Variants in DLC1 observed in about 807,000 individuals in gnomAD.
The protein encoded by DLC1 is DLC1 Rho GTPase activating protein.
Under a neutral mutation model 140.3 loss-of-function variants are expected in DLC1, and 54 were observed. The observed-to-expected ratio is 0.38, with a 90% confidence interval of 0.31 to 0.48. DLC1 has a LOEUF of 0.48. Ranked by LOEUF, DLC1 falls within the 20% of genes least tolerant of loss-of-function variation. DLC1 has a pLI of 0.96. For missense variants in DLC1, 2,536 were observed against 1,907.0 expected, an observed-to-expected ratio of 1.33 and a Z score of -6.14; for synonymous variants, 986 against 728.1, an observed-to-expected ratio of 1.35 and a Z score of -5.70.
chr8:13,292,300 A>C (rs1431353843), intron 5 of DLC1, among the ~76,000 whole-genome samples: 4 of 152,142 alleles, frequency 2.6e-5, no homozygotes, highest in African/African-American at 7.2e-5. Flanking sequence ...ATGAGCGGTC[A>C]CTGCTCTGTT....
chr8:13,225,071 T>C (rs114098158), intron 5 of DLC1, among the ~76,000 whole-genome samples: 2,817 of 152,302 alleles, frequency 0.018, 98 homozygotes, highest in African/African-American at 0.063. Flanking sequence ...GCCACTTAAT[T>C]TCAACTCATT....
intron 7 of DLC1, among the ~76,000 whole-genome samples, chr8:13,105,655 G>A (rs1819502900): frequency 6.7e-6 from 1 of 148,260 alleles, no homozygotes; most frequent in African/African-American, 2.5e-5. Flanking sequence ...GTGGCTCACT[G>A]CAACCTCCGC....
At chr8:13,399,565 G>A (rs1837208386) in intron 3 of DLC1, among the ~76,000 whole-genome samples, 1 of 152,082 alleles carries the variant, frequency 6.6e-6, no homozygotes, top group Non-Finnish European at 1.5e-5. Flanking sequence ...CATCCTATGA[G>A]ATTGGCTATC....
chr8:13,299,478 C>CTTTTT (rs36119138), intron 5 of DLC1, among the ~76,000 whole-genome samples: 7 of 114,584 alleles, frequency 6.1e-5, no homozygotes, highest in African/African-American at 2.2e-4. Flanking sequence ...AGCTCCTCAT[C>CTTTTT]TTTTTTTTTT....
At chr8:13,178,917 A>G (rs1269116473) in intron 5 of DLC1, among the ~76,000 whole-genome samples, 1 of 152,216 alleles carries the variant, frequency 6.6e-6, no homozygotes. Flanking sequence ...TATACACCGA[A>G]TACCAATTTA....
intron 4 of DLC1, among the ~76,000 whole-genome samples, chr8:13,337,111 A>G (rs911921592): frequency 6.6e-6 from 1 of 152,168 alleles, no homozygotes; most frequent in African/African-American, 2.4e-5. Context: ...TGCCTTTAGC[A>G]TAGACGTAAA....
intron 1 of DLC1, among the ~76,000 whole-genome samples, chr8:13,581,722 A>T (rs1212614989): frequency 2.6e-5 from 4 of 152,162 alleles, no homozygotes; most frequent in Non-Finnish European, 5.9e-5. Context: ...TACTGGGCAG[A>T]ATCTATTCTA....
intron 1 of DLC1, among the ~76,000 whole-genome samples, chr8:13,507,573 T>C (rs1372868064): frequency 6.6e-6 from 1 of 152,204 alleles, no homozygotes; most frequent in Non-Finnish European, 1.5e-5. Flanking sequence ...TTAGTAGCAA[T>C]ATGTGTCTTA....
At chr8:13,415,667 G>A (rs1838021983) in intron 2 of DLC1, among the ~76,000 whole-genome samples, 1 of 152,012 alleles carries the variant, frequency 6.6e-6, no homozygotes, top group Non-Finnish European at 1.5e-5. Flanking sequence ...TCAAAGTGCT[G>A]GGATTACAGG....
At chr8:13,334,156 A>C (rs1833720660) in intron 4 of DLC1, among the ~76,000 whole-genome samples, 1 of 152,154 alleles carries the variant, frequency 6.6e-6, no homozygotes, top group Non-Finnish European at 1.5e-5. Context: ...CATGGTGGTG[A>C]CATTTGAGTT....
At chr8:13,355,226 C>A (rs1184436792) in intron 4 of DLC1, among the ~76,000 whole-genome samples, 1 of 152,068 alleles carries the variant, frequency 6.6e-6, no homozygotes, top group African/African-American at 2.4e-5. Flanking sequence ...GGATTCACAC[C>A]TGTAATCCCA....
At position 13,100,018 on chromosome 8, in the gene DLC1, G is replaced by C; in HGVS notation, c.2319C>G (p.Gly773=). The C allele has an allele frequency of 1.9e-6, 3 of 1,612,726 alleles. No homozygotes were observed. In the South Asian group the frequency reaches 3.3e-5, roughly 18 times the overall value. ...AAGGATCGAAGCCCTCTAAGTACAT[G>C]CCCACCCGCTTGTTGCACGCACTGA... ...RSLSACNKRV[G]MYLEGFDPFN... The change falls in exon 9 of 18, where the codon GGC becomes GGG. Residue 773 remains glycine (G), a synonymous_variant. Transcript: ENST00000276297.
chr8:13,276,703 G>T, intron 5 of DLC1: 2 of 734,420 alleles, frequency 2.7e-6, no homozygotes, highest in Non-Finnish European at 3.5e-6. Flanking sequence ...ACCTGGGTCC[G>T]CGCCGGGCTG....
At chr8:13,239,353 G>C (rs776392172) in intron 5 of DLC1, among the ~76,000 whole-genome samples, 2 of 151,914 alleles carry the variant, frequency 1.3e-5, no homozygotes, top group African/African-American at 2.4e-5. Flanking sequence ...GAATTGCTAC[G>C]AGATATGTGG....
Position 13,399,795 on chromosome 8 carries a change from T to G in DLC1, c.1173+1675A>C, listed in dbSNP as rs186039674. ...AAGACTATATTATTCTTGATAATTT[T>G]TATTATATGCAGAACTTCTTCTGGC... is the stretch of plus-strand genomic sequence containing the variant. On this transcript the variant is annotated intron_variant, in intron 3 of 17. Coordinates refer to ENST00000276297, the MANE Select transcript of DLC1 (RefSeq NM_182643.3). Among the ~76,000 whole-genome samples, 13 of 152,348 alleles carry G rather than the reference T, an allele frequency of 8.5e-5. No homozygotes were observed. In the Middle Eastern group the frequency reaches 0.014, roughly 159 times the overall value.
intron 4 of DLC1, among the ~76,000 whole-genome samples, chr8:13,338,341 T>C (rs1468783314): frequency 6.6e-6 from 1 of 152,132 alleles, no homozygotes; most frequent in Non-Finnish European, 1.5e-5. Flanking sequence ...CTGGAAATAA[T>C]TGTGGTTGAG....
At chr8:13,182,881 T>A (rs1045419387) in intron 5 of DLC1, among the ~76,000 whole-genome samples, 5 of 152,212 alleles carry the variant, frequency 3.3e-5, no homozygotes, top group Admixed American at 1.3e-4. Context: ...TTGATGGGGA[T>A]GCCATTGAAT....
chr8:13,332,656 C>A (rs1833646056), intron 4 of DLC1, among the ~76,000 whole-genome samples: 1 of 152,122 alleles, frequency 6.6e-6, no homozygotes, highest in South Asian at 2.1e-4. Context: ...TGATCTCGAA[C>A]TCCTGACCTC....
chr8:13,273,469 A>G (rs565043660), intron 5 of DLC1, among the ~76,000 whole-genome samples: 2 of 152,316 alleles, frequency 1.3e-5, no homozygotes, highest in African/African-American at 4.8e-5. Context: ...AAAGGGGATC[A>G]TATATAAAGG....
Sources: allele counts gnomAD v4.1 joint callset (sites outside exome capture counted in the v4.1 genomes callset), GRCh38; gene constraint gnomAD v4.1.1; transcripts MANE v1.5; gene names NCBI Gene and HGNC (gene_info 2026-07-23, HGNC 2026-07-21).